The following RALGAPA1 variants were observed in gnomAD, a reference collection of about 807,000 sequenced individuals.
RALGAPA1 encodes ral GTPase-activating protein subunit alpha-1.
RALGAPA1 carries 52 observed loss-of-function variants against 269.6 expected under a neutral mutation model. The ratio of observed to expected loss-of-function variants is 0.19; its 90% CI spans 0.15 to 0.24. The LOEUF (loss-of-function observed/expected upper bound fraction) is 0.24, where lower values mean the gene tolerates loss of function less well. RALGAPA1 is among the 10% of genes least tolerant of loss of function. RALGAPA1 has a pLI of 1.00. For missense variants in RALGAPA1, 1,917 were observed against 3,013.9 expected, an observed-to-expected ratio of 0.64 and a Z score of 8.52; for synonymous variants, 817 against 1,008.3, an observed-to-expected ratio of 0.81 and a Z score of 3.60.
chr14:35,657,667 G>A, intron 28 of RALGAPA1, among the ~76,000 whole-genome samples: 1 of 148,548 alleles, frequency 6.7e-6, no homozygotes, highest in Non-Finnish European at 1.5e-5. Context: ...TCTTCCACTT[G>A]AGAAGCAACA....
chr14:35,688,073 C>T (rs2140430581), intron 18 of RALGAPA1, among the ~76,000 whole-genome samples: 1 of 152,198 alleles, frequency 6.6e-6, no homozygotes, highest in East Asian at 1.9e-4. Flanking sequence ...ATATCTGGTG[C>T]CCTTTTAAAC....
At chr14:35,671,591 A>G (rs1403476394) in intron 25 of RALGAPA1, 74 bp from the exon 26 acceptor site, 3 of 727,932 alleles carry the variant, frequency 4.1e-6, no homozygotes, top group South Asian at 4.3e-5. Flanking sequence ...GTATCATTAA[A>G]AATAGATAAC....
In RALGAPA1 at chr14:35,538,816, A is replaced by C. The variant is rs2053729596; in HGVS notation, c.*898T>G. Reference sequence around the variant, plus strand: ...CTAGCAGCCAATAATAAAAGGCCACAATCTGAAAACAAATGGCATTTAACA... The same window carrying C: ...CTAGCAGCCAATAATAAAAGGCCACCATCTGAAAACAAATGGCATTTAACA... On this transcript the variant is annotated 3_prime_UTR_variant, in exon 42 of 42. Transcript: ENST00000680220. The C allele has an allele frequency of 6.8e-6, 1 of 147,738 alleles. No individual in the cohort carries two copies. The highest frequency in any genetic ancestry group is 1.5e-5 in the Non-Finnish European group (1 of 67,042). 9.2% of individuals were successfully genotyped at this position (147,738 alleles called of 1,614,324 possible). A position where few individuals can be genotyped will look rare whatever the true frequency, so the allele number is the denominator to read the frequency against.
chr14:35,572,493 G>T, intron 38 of RALGAPA1, 67 bp downstream of exon 38: 1 of 1,261,506 alleles, frequency 7.9e-7, no homozygotes, highest in Non-Finnish European at 1.1e-6. Flanking sequence ...CTGTAACATG[G>T]AAAGAAACCC....
intron 1 of RALGAPA1, among the ~76,000 whole-genome samples, chr14:35,784,039 C>T (rs1337530965): frequency 6.6e-6 from 1 of 151,764 alleles, no homozygotes; most frequent in African/African-American, 2.4e-5. Context: ...ATCATATGGC[C>T]CAGCAATTCC....
chr14:35,652,044 G>A (rs1346596865), intron 30 of RALGAPA1, among the ~76,000 whole-genome samples, 171 bp from the exon 31 acceptor site: 1 of 152,080 alleles, frequency 6.6e-6, no homozygotes, highest in Non-Finnish European at 1.5e-5. Flanking sequence ...AGCTTTTCAA[G>A]TATAGTTAAC....
intron 37 of RALGAPA1, among the ~76,000 whole-genome samples, chr14:35,577,004 A>G (rs1172031212): frequency 2.6e-5 from 4 of 152,212 alleles, no homozygotes; most frequent in Non-Finnish European, 5.9e-5. Flanking sequence ...ATTGCAGTCT[A>G]TGGTTTTCCC....
At position 35,601,499 on chromosome 14, in the gene RALGAPA1, G is replaced by A. The variant is rs188729998; in HGVS notation, c.7053+4087C>T. On this transcript the variant is annotated intron_variant, in intron 36 of 41. Coordinates refer to ENST00000680220, the MANE Select transcript of RALGAPA1 (RefSeq NM_001346249.2). ...GAATTGTCTGTGGTGTTTGGCTACA[G>A]TAGTGCAGTTATTATCTAAATGTTT... 3.9e-5 allele frequency among the ~76,000 whole-genome samples: 6 copies of A among 152,312 alleles called. No individual in the cohort carries two copies. In the East Asian group the frequency reaches 1.2e-3, roughly 29 times the overall value.
chr14:35,555,627 G>C (rs1392982553), intron 39 of RALGAPA1, among the ~76,000 whole-genome samples: 1 of 152,192 alleles, frequency 6.6e-6, no homozygotes, highest in South Asian at 2.1e-4. Context: ...ATTTAGGACA[G>C]TTTGAACTAG....
chr14:35,690,306 TA>T (rs1271138956), intron 17 of RALGAPA1, among the ~76,000 whole-genome samples: 1 of 152,176 alleles, frequency 6.6e-6, no homozygotes, highest in African/African-American at 2.4e-5. Flanking sequence ...GCTGTGCCAA[TA>T]AATCAAGCAA....
chr14:35,568,142 A>G (rs1281611053), intron 39 of RALGAPA1, among the ~76,000 whole-genome samples: 1 of 152,158 alleles, frequency 6.6e-6, no homozygotes, highest in Non-Finnish European at 1.5e-5. Flanking sequence ...ACAGATTAAA[A>G]CTACAAAGCT....
At chr14:35,679,913 A>G (rs1172292978) in intron 21 of RALGAPA1, among the ~76,000 whole-genome samples, 1 of 152,228 alleles carries the variant, frequency 6.6e-6, no homozygotes, top group Non-Finnish European at 1.5e-5. Flanking sequence ...TATGTTACAT[A>G]GTAGGTGAAA....
intron 4 of RALGAPA1, 93 bp from the exon 5 acceptor site, chr14:35,762,846 C>A: frequency 1.4e-6 from 1 of 730,886 alleles, no homozygotes; most frequent in South Asian, 1.5e-5. Context: ...TTAAATAAGT[C>A]CTTGGCAACC....
chr14:35,797,643 C>G (rs184893034), intron 1 of RALGAPA1, among the ~76,000 whole-genome samples: 3 of 151,560 alleles, frequency 2.0e-5, no homozygotes, highest in Non-Finnish European at 4.4e-5. Context: ...GTCTGGAGTT[C>G]GAGACCAGCC....
intron 1 of RALGAPA1, among the ~76,000 whole-genome samples, chr14:35,778,016 T>G (rs1316118846): frequency 1.3e-5 from 2 of 152,178 alleles, no homozygotes; most frequent in Non-Finnish European, 2.9e-5. Flanking sequence ...AACATATAGA[T>G]AGCACTTTAA....
chr14:35,594,377 A>T (rs913448549), intron 37 of RALGAPA1, among the ~76,000 whole-genome samples: 1 of 152,196 alleles, frequency 6.6e-6, no homozygotes, highest in African/African-American at 2.4e-5. Context: ...TTATCTATTA[A>T]GGGATTAATA....
intron 11 of RALGAPA1, among the ~76,000 whole-genome samples, chr14:35,739,607 T>TGG (rs1179154468): frequency 6.6e-6 from 1 of 152,188 alleles, no homozygotes; most frequent in Non-Finnish European, 1.5e-5. Flanking sequence ...CTGTTTAAAA[T>TGG]TCCCATCCAT....
At chr14:35,612,370 CAAAAAAA>C (rs1010725263) in intron 35 of RALGAPA1, among the ~76,000 whole-genome samples, 1 of 63,322 alleles carries the variant, frequency 1.6e-5, no homozygotes. Flanking sequence ...AACTCTGTTT[CAAAAAAA>C]AAAAAAAAAA....
intron 10 of RALGAPA1, among the ~76,000 whole-genome samples, chr14:35,748,102 A>G (rs991317990): frequency 1.3e-5 from 2 of 152,030 alleles, no homozygotes; most frequent in Non-Finnish European, 2.9e-5. Context: ...GTTTCAATCT[A>G]TAATGAGTAA....
Sources: gnomAD v4.1 joint callset for allele counts (sites outside exome capture counted in the v4.1 genomes callset) on GRCh38, gnomAD v4.1.1 for gene constraint, MANE v1.5 for transcripts, NCBI Gene and HGNC (gene_info 2026-07-23, HGNC 2026-07-21) for gene names.